The following STK32B variants were observed in gnomAD, a reference collection of about 807,000 sequenced individuals.
STK32B encodes the protein serine/threonine-protein kinase 32B.
STK32B carries 43 observed loss-of-function variants against 52.6 expected under a neutral mutation model. The ratio of observed to expected loss-of-function variants is 0.82; its 90% CI spans 0.64 to 1.05. STK32B has a LOEUF of 1.05. Among genes scored for constraint, STK32B ranks in the 50% least tolerant of loss-of-function variants. STK32B has a pLI of 0.00. For missense variants in STK32B, 621 were observed against 534.6 expected, an observed-to-expected ratio of 1.16 and a Z score of -1.59; for synonymous variants, 238 against 204.3, an observed-to-expected ratio of 1.17 and a Z score of -1.41.
At chr4:5,231,879 G>A (rs1473302034) in intron 3 of STK32B, among the ~76,000 whole-genome samples, 3 of 152,148 alleles carry the variant, frequency 2.0e-5, no homozygotes, top group African/African-American at 7.2e-5. Flanking sequence ...GGGGAGGAAG[G>A]ATTAGCAGAG....
Position 5,336,174 on chromosome 4 carries a change from A to C in STK32B, c.434+4781A>C, listed in dbSNP as rs1281434837. Among the ~76,000 whole-genome samples, 10 of 148,716 alleles carry C rather than the reference A, an allele frequency of 6.7e-5. No individual in the cohort carries two copies. In the East Asian group the frequency reaches 1.8e-3, roughly 26 times the overall value. On this transcript the variant is annotated intron_variant, in intron 4 of 11. Coordinates refer to ENST00000282908, the MANE Select transcript of STK32B (RefSeq NM_018401.3). ...TGAAATGACACCCACACACCCACCC[A>C]CACACACACAACTGAGATCAAAGAA...
chr4:5,202,774 CA>C (rs1722258132), intron 3 of STK32B, among the ~76,000 whole-genome samples: 1 of 152,246 alleles, frequency 6.6e-6, no homozygotes, highest in Admixed American at 6.5e-5. Flanking sequence ...TCATTGGTTC[CA>C]TCCCCTCATG....
chr4:5,498,649 G>A lies in STK32B; in HGVS notation c.1107-296G>A, dbSNP rs567833808. On this transcript the variant is annotated intron_variant, in intron 11 of 11. Coordinates refer to ENST00000282908, the MANE Select transcript of STK32B (RefSeq NM_018401.3). ...GGTATATACAAAAATATAAATATGT[G>A]ATCTCAAGTAAACATCACAAGGAAA... 3.4e-4 allele frequency among the ~76,000 whole-genome samples: 52 copies of A among 152,344 alleles called. No individual in the cohort carries two copies. In the South Asian group the frequency reaches 9.9e-3, roughly 29 times the overall value.
chr4:5,060,870 AC>A (rs1267279560), intron 1 of STK32B, among the ~76,000 whole-genome samples: 1 of 152,180 alleles, frequency 6.6e-6, no homozygotes, highest in African/African-American at 2.4e-5. Context: ...TGAGCAAAAG[AC>A]AGCTGCCAGT....
rs538692316 is a variant in STK32B, at chr4:5,406,500, G to A, written c.472+8256G>A. ...TCCCTAGTAGAATTTCTCAACGAGG[G>A]CCCCACCCCTGCAGCAGACTTCTAC... On this transcript the variant is annotated intron_variant, in intron 5 of 11. Transcript: ENST00000282908. Among the ~76,000 whole-genome samples, 8 of 152,244 alleles carry A rather than the reference G, an allele frequency of 5.3e-5. 1 individual carries two copies. The East Asian group carries it at 1.5e-3, about 29-fold the overall frequency.
chr4:5,030,530 C>T, the STK32B span, among the ~76,000 whole-genome samples: 23 of 152,196 alleles, frequency 1.5e-4, no homozygotes, highest in African/African-American at 4.6e-4. Context: ...CAGTGTGAGC[C>T]GGGTGTCTGG....
At chr4:5,175,540 G>A (rs762981424) in intron 3 of STK32B, among the ~76,000 whole-genome samples, 1 of 152,180 alleles carries the variant, frequency 6.6e-6, no homozygotes, top group East Asian at 1.9e-4. Flanking sequence ...CTCAGCTTTA[G>A]GTCTGTTGGA....
At chr4:5,404,478 T>A (rs1271991199) in intron 5 of STK32B, among the ~76,000 whole-genome samples, 4 of 152,132 alleles carry the variant, frequency 2.6e-5, no homozygotes, top group African/African-American at 9.7e-5. Context: ...TATCCCTCAA[T>A]CAACTGTTAT....
chr4:5,374,462 G>A (rs1028494428), intron 4 of STK32B, among the ~76,000 whole-genome samples: 2 of 152,182 alleles, frequency 1.3e-5, no homozygotes, highest in African/African-American at 4.8e-5. Context: ...TGATGTCTTA[G>A]CCCATTCAGG....
At chr4:5,186,973 A>AG (rs1053717875) in intron 3 of STK32B, among the ~76,000 whole-genome samples, 1 of 152,196 alleles carries the variant, frequency 6.6e-6, no homozygotes, top group Non-Finnish European at 1.5e-5. Context: ...TCCGACACTC[A>AG]GGGGGCCTGT....
intron 6 of STK32B, among the ~76,000 whole-genome samples, chr4:5,419,964 C>G (rs151087540): frequency 2.1e-4 from 32 of 152,256 alleles, no homozygotes; most frequent in Non-Finnish European, 2.9e-5. Context: ...TGTCAGGTAC[C>G]GAGCTAAGTG....
intron 3 of STK32B, among the ~76,000 whole-genome samples, chr4:5,231,266 T>C (rs887893871): frequency 6.6e-6 from 1 of 152,140 alleles, no homozygotes; most frequent in African/African-American, 2.4e-5. Context: ...CTCCATGCTG[T>C]AGACACTCAA....
At chr4:5,274,868 C>G (rs539557414) in intron 3 of STK32B, among the ~76,000 whole-genome samples, 1 of 152,194 alleles carries the variant, frequency 6.6e-6, no homozygotes, top group Non-Finnish European at 1.5e-5. Context: ...GCAGGGTGTC[C>G]GCTATGCTCC....
At chr4:5,447,615 G>C (rs1715581686) in intron 7 of STK32B, among the ~76,000 whole-genome samples, 1 of 152,210 alleles carries the variant, frequency 6.6e-6, no homozygotes, top group African/African-American at 2.4e-5. Flanking sequence ...TAGCCTAGGT[G>C]ACAGAGTGAG....
At chr4:5,266,058 A>G (rs1326246110) in intron 3 of STK32B, among the ~76,000 whole-genome samples, 1 of 152,222 alleles carries the variant, frequency 6.6e-6, no homozygotes, top group Non-Finnish European at 1.5e-5. Flanking sequence ...TGAAAGGGAT[A>G]GTATACATTT....
At chr4:5,145,349 G>T (rs1402380164) in intron 2 of STK32B, among the ~76,000 whole-genome samples, 1 of 152,126 alleles carries the variant, frequency 6.6e-6, no homozygotes, top group Non-Finnish European at 1.5e-5. Flanking sequence ...TTTGCCTGTA[G>T]TTTTTCTTTT....
At chr4:5,465,173 C>T (rs748437038) in intron 9 of STK32B, among the ~76,000 whole-genome samples, 8 of 152,130 alleles carry the variant, frequency 5.3e-5, no homozygotes, top group African/African-American at 1.2e-4. Flanking sequence ...TCCATTAGCC[C>T]ACGAATGACA....
chr4:5,314,204 C>T (rs1274416546), intron 3 of STK32B, among the ~76,000 whole-genome samples: 1 of 152,008 alleles, frequency 6.6e-6, no homozygotes, highest in Non-Finnish European at 1.5e-5. Flanking sequence ...GTGGTATTAG[C>T]ATAGGAACAG....
chr4:5,102,877 C>G (rs1389859637), intron 1 of STK32B, among the ~76,000 whole-genome samples: 1 of 93,498 alleles, frequency 1.1e-5, no homozygotes. Flanking sequence ...CTCCCTCCCT[C>G]CCTTCTTTCC....
Sources: gnomAD v4.1 joint callset for allele counts (sites outside exome capture counted in the v4.1 genomes callset) on GRCh38, gnomAD v4.1.1 for gene constraint, MANE v1.5 for transcripts, NCBI Gene and HGNC (gene_info 2026-07-23, HGNC 2026-07-21) for gene names.